PHKA2: variants seen among roughly 807,000 people sequenced by gnomAD.
The protein encoded by PHKA2 is phosphorylase kinase regulatory subunit alpha 2, also known as phosphorylase b kinase regulatory subunit alpha, liver isoform.
A neutral mutation model predicts 102.0 loss-of-function variants in PHKA2; 31 were observed. The ratio of observed to expected loss-of-function variants is 0.30; its 90% CI spans 0.23 to 0.41. The LOEUF (loss-of-function observed/expected upper bound fraction) is 0.41. Among genes scored for constraint, PHKA2 ranks in the 10% least tolerant of loss-of-function variants. The pLI is 1.00. For synonymous variants in PHKA2, 455 were observed against 416.2 expected (o/e 1.09, Z -1.13); for missense variants, 858 against 1,023.1 (o/e 0.84, Z 2.20).
chrX:18,908,821 C>G lies in PHKA2; in HGVS notation c.2340G>C (p.Leu780=), dbSNP rs753366922. The change falls in exon 21 of 33, where the codon CTG becomes CTC. Residue 780 remains leucine, a synonymous_variant. Transcript: ENST00000379942. ...CSNLQDQADI[L]YILYVIKGPS... ...CTTACTTTATGACATAAAGAATGTA[C>G]AGAATGTCTGCTTGGTCCTGTAGGT... 1.9e-5 allele frequency: 23 copies of G among 1,207,323 alleles called. No homozygotes were observed. The highest frequency in any genetic ancestry group is 2.6e-5 in the Non-Finnish European group (23 of 892,593).
intron 15 of PHKA2, 48 bp from the exon 16 acceptor site, chrX:18,924,573 G>A: frequency 8.6e-7 from 1 of 1,159,421 alleles, no homozygotes; most frequent in African/African-American, 1.8e-5. Flanking sequence ...TCTTTACCTG[G>A]AAACACCAGC....
chrX:18,968,484 C>T (rs963917776), intron 1 of PHKA2, among the ~76,000 whole-genome samples: 10 of 111,038 alleles, frequency 9.0e-5, no homozygotes, highest in Non-Finnish European at 1.9e-5. Context: ...ACAATCAAAA[C>T]TCAACAAGTG....
intron 1 of PHKA2, among the ~76,000 whole-genome samples, chrX:18,962,856 C>A (rs372788930): frequency 1.2e-4 from 13 of 111,610 alleles, no homozygotes; most frequent in African/African-American, 4.2e-4. Flanking sequence ...CCACCAAACA[C>A]CATGTTTTAA....
chrX:18,983,589 G>A lies in PHKA2; in HGVS notation c.78+266C>T, dbSNP rs1601816041. On this transcript the variant is annotated intron_variant, in intron 1 of 32. Coordinates refer to ENST00000379942, the MANE Select transcript of PHKA2 (RefSeq NM_000292.3). ...AGTCAATGCAAAAAGAGGCAGTTTG[G>A]ACCCGGGCACGGAGGCGGCTCATTC... Among the ~76,000 whole-genome samples the A allele has an allele frequency of 3.6e-5, 4 of 112,309 alleles. 1 individual carries two copies. In the South Asian group the frequency reaches 1.5e-3, roughly 41 times the overall value.
intron 30 of PHKA2, 87 bp downstream of exon 30, chrX:18,897,072 CTGTG>C: frequency 2.0e-6 from 2 of 1,016,213 alleles, no homozygotes; most frequent in Non-Finnish European, 2.8e-6. Flanking sequence ...ATCCTCAGGG[CTGTG>C]TGTTTGCTCG....
chrX:18,924,574 A>C (rs1398827972), intron 15 of PHKA2, 49 bp from the exon 16 acceptor site: 2 of 1,153,169 alleles, frequency 1.7e-6, no homozygotes, highest in Middle Eastern at 2.5e-4. Context: ...CTTTACCTGG[A>C]AACACCAGCT....
At chrX:18,907,285 A>G (rs1307493717) in intron 22 of PHKA2, among the ~76,000 whole-genome samples, 188 bp from the exon 23 acceptor site, 1 of 112,249 alleles carries the variant, frequency 8.9e-6, no homozygotes, top group African/African-American at 3.2e-5. Flanking sequence ...CCAGACAGGG[A>G]TGGGTGTCTG....
intron 14 of PHKA2, 36 bp from the exon 15 acceptor site, chrX:18,925,813 G>C (rs749441657): frequency 5.4e-5 from 50 of 933,040 alleles, no homozygotes; most frequent in Non-Finnish European, 7.4e-5. Flanking sequence ...GGAGTTAGAG[G>C]AAATACGGTT....
intron 1 of PHKA2, among the ~76,000 whole-genome samples, chrX:18,962,247 C>A (rs1307489480): frequency 9.0e-6 from 1 of 111,307 alleles, no homozygotes; most frequent in East Asian, 2.8e-4. Flanking sequence ...TAGTAACATA[C>A]ACTGCTCCTT....
At chrX:18,908,164 G>T in intron 21 of PHKA2, 108 bp from the exon 22 acceptor site, 1 of 750,221 alleles carries the variant, frequency 1.3e-6, no homozygotes, top group Non-Finnish European at 2.1e-6. Flanking sequence ...CAGTGCCCCT[G>T]AGTCTCACTG....
chrX:18,906,513 G>A lies in PHKA2; in HGVS notation c.2788C>T (p.Arg930Trp), dbSNP rs774453110. The A allele has an allele frequency of 8.5e-5, 103 of 1,210,926 alleles. No homozygotes were observed. The South Asian group carries it at 1.1e-3, about 13-fold the overall frequency. The change falls in exon 25 of 33, where the codon CGG becomes TGG. Residue 930 changes from arginine to tryptophan, a missense_variant. Coordinates refer to ENST00000379942, the MANE Select transcript of PHKA2 (RefSeq NM_000292.3). ...IIQVMATELARSLNCSGEEAS... is the reference protein window; with the variant it reads ...IIQVMATELAWSLNCSGEEAS... ...ATCTCACCTGAGCAGTTCAGGCTCC[G>A]TGCCAGCTCCGTGGCCATCACCTGA...
intron 26 of PHKA2, among the ~76,000 whole-genome samples, chrX:18,903,244 G>T (rs763325743): frequency 1.8e-5 from 2 of 112,530 alleles, no homozygotes; most frequent in Non-Finnish European, 3.8e-5. Flanking sequence ...TGACCGCATG[G>T]AGTTTGATCT....
chrX:18,958,761 G>A (rs1169509913), intron 1 of PHKA2, among the ~76,000 whole-genome samples: 1 of 110,104 alleles, frequency 9.1e-6, no homozygotes, highest in Admixed American at 9.7e-5. Context: ...CCAGGCTGGA[G>A]TGCAGTGGTG....
chrX:18,939,666 T>C (rs2048457349), intron 9 of PHKA2, among the ~76,000 whole-genome samples: 1 of 111,723 alleles, frequency 9.0e-6, no homozygotes, highest in African/African-American at 3.3e-5. Context: ...GCTAATTTTT[T>C]GTATTTTTAG....
chrX:18,929,973 G>C lies in PHKA2; in HGVS notation c.1246-667C>G, dbSNP rs144570622. 8.8e-3 allele frequency among the ~76,000 whole-genome samples: 996 copies of C among 112,555 alleles called. 17 individuals carry two copies. The highest frequency in any genetic ancestry group is 0.03 in the African/African-American group (919 of 31,012). ...GACCTGCCCCACACTCAGAAGGAAAGAGCGCTGCACAGAAAGGCCTCGCTG... is the reference window on the plus strand; with the variant it reads ...GACCTGCCCCACACTCAGAAGGAAACAGCGCTGCACAGAAAGGCCTCGCTG... On this transcript the variant is annotated intron_variant, in intron 12 of 32. Transcript: ENST00000379942.
intron 20 of PHKA2, among the ~76,000 whole-genome samples, chrX:18,910,322 A>C (rs2147866959): frequency 8.9e-6 from 1 of 111,831 alleles, no homozygotes; most frequent in East Asian, 2.8e-4. Context: ...TCTACAAAAA[A>C]TACAAAAATT....
chrX:18,910,909 A>G lies in PHKA2; in HGVS notation c.2189T>C (p.Leu730Pro). Reference sequence around the variant, plus strand: ...TGGCTGAGGAGAATCAACAAGATTCAGTGATTTACGGTGGGCACTTAGAAC... The same window carrying G: ...TGGCTGAGGAGAATCAACAAGATTCGGTGATTTACGGTGGGCACTTAGAAC... Reference protein sequence around the residue: ...TKVLSAHRKSLNLVDSPQPLL... With the variant: ...TKVLSAHRKSPNLVDSPQPLL... The change falls in exon 20 of 33, where the codon CTG (leucine) becomes CCG (proline). Residue 730 changes from leucine (L) to proline (P), a missense_variant. This residue lies in a region of PHKA2 where 671 missense variants were observed against 745.2 expected (regional missense o/e 0.90). Transcript: ENST00000379942. 1 of 1,195,431 alleles carries G rather than the reference A, an allele frequency of 8.4e-7. No individual in the cohort carries two copies. The highest frequency in any genetic ancestry group is 3.0e-5 in the East Asian group (1 of 33,288).
At chrX:18,898,820 T>G (rs1377358208) in intron 29 of PHKA2, among the ~76,000 whole-genome samples, 1 of 111,821 alleles carries the variant, frequency 8.9e-6, no homozygotes, top group African/African-American at 3.3e-5. Flanking sequence ...AGAGTGCTAG[T>G]TGGCACATGT....
chrX:18,926,628 T>C (rs767454225), intron 13 of PHKA2, 41 bp from the exon 14 acceptor site: 2 of 1,177,902 alleles, frequency 1.7e-6, no homozygotes. Flanking sequence ...CTCATGACTC[T>C]TGTCTCTTCA....
Sources: gnomAD v4.1 joint callset for allele counts (sites outside exome capture counted in the v4.1 genomes callset) on GRCh38, gnomAD v4.1.1 for gene constraint, gnomAD v4.1.1 regional missense constraint, MANE v1.5 for transcripts, NCBI Gene and HGNC (gene_info 2026-07-23, HGNC 2026-07-21) for gene names.